The following RSPH9 variants were observed in gnomAD, a reference collection of about 807,000 sequenced individuals.
The protein encoded by RSPH9 is radial spoke head component 9.
In RSPH9, 27 loss-of-function variants were observed where a neutral mutation model predicts 27.0. The observed-to-expected ratio is 1.00, with a 90% CI of 0.74 to 1.38. The LOEUF is 1.38. RSPH9 is among the 40% of genes most tolerant of loss of function. The pLI is 0.00. For missense variants in RSPH9, 347 were observed against 357.4 expected (o/e 0.97, Z 0.24); for synonymous variants, 145 against 147.7 (o/e 0.98, Z 0.13).
chr6:43,666,586 G>A, intron 4 of RSPH9: 1 of 1,051,996 alleles, frequency 9.5e-7, no homozygotes, highest in Non-Finnish European at 1.4e-6. Flanking sequence ...GCTGAAGAGA[G>A]GAGTGGGAGA....
intron 2 of RSPH9, 43 bp from the exon 3 acceptor site, chr6:43,655,519 G>A: frequency 6.2e-7 from 1 of 1,613,688 alleles, no homozygotes; most frequent in South Asian, 1.1e-5. Context: ...GGGGTGCCTG[G>A]GCACAGTGCC....
chr6:43,650,163 C>G (rs1479708609), intron 1 of RSPH9, among the ~76,000 whole-genome samples: 1 of 152,210 alleles, frequency 6.6e-6, no homozygotes, highest in East Asian at 1.9e-4. Context: ...ATCCGCTCAC[C>G]TCAGCCTCCC....
In RSPH9 at chr6:43,645,279, C is replaced by T; in HGVS notation, c.181C>T (p.Gln61Ter). Residue 61 changes from glutamine to a stop codon, truncating the protein, a stop_gained, in exon 1 of 5, where the codon CAG (glutamine) becomes TAG (stop). Transcript: ENST00000372163. LOFTEE classifies it high-confidence loss of function. ...LGLVADYYIA[Q>*]GLSEDQLAPR... ...CCTCGTCGCCGATTACTACATCGCG[C>T]AGGGCCTGAGTGAGGACCAGCTCGC... The T allele has an allele frequency of 6.2e-7, 1 of 1,610,454 alleles. No individual in the cohort carries two copies. Among genetic ancestry groups the T allele is most frequent in the South Asian group, 1.1e-5 (1 of 91,034 alleles).
At chr6:43,658,277 G>A (rs1347622570) in intron 4 of RSPH9, among the ~76,000 whole-genome samples, 13 of 103,212 alleles carry the variant, frequency 1.3e-4, no homozygotes, top group African/African-American at 1.5e-4. Context: ...GGGCAACAGC[G>A]CAAAACTCCG....
intron 2 of RSPH9, among the ~76,000 whole-genome samples, chr6:43,651,890 T>A (rs1361208770): frequency 6.6e-6 from 1 of 152,134 alleles, no homozygotes; most frequent in Non-Finnish European, 1.5e-5. Flanking sequence ...TGTACATATG[T>A]GTACTTGTGT....
chr6:43,650,767 G>A (rs542453927), intron 2 of RSPH9, among the ~76,000 whole-genome samples: 1 of 152,102 alleles, frequency 6.6e-6, no homozygotes, highest in South Asian at 2.1e-4. Context: ...TTAGCTGGGT[G>A]TGGTGGCAGG....
intron 1 of RSPH9, among the ~76,000 whole-genome samples, chr6:43,648,897 G>A (rs972224667): frequency 1.4e-4 from 21 of 152,172 alleles, no homozygotes; most frequent in Non-Finnish European, 2.8e-4. Flanking sequence ...AGCGGGAAGG[G>A]AGATGTCAGA....
At chr6:43,651,922 G>A (rs1310413441) in intron 2 of RSPH9, among the ~76,000 whole-genome samples, 1 of 152,162 alleles carries the variant, frequency 6.6e-6, no homozygotes, top group African/African-American at 2.4e-5. Flanking sequence ...TCTGCTCCAA[G>A]TAGAGTCTGG....
In RSPH9 at chr6:43,655,605, A is replaced by G. The variant is rs1013216994; in HGVS notation, c.437A>G (p.Gln146Arg). 6.2e-7 allele frequency: 1 copy of G among 1,614,172 alleles called. No individual in the cohort carries two copies. The highest frequency in any genetic ancestry group is 8.5e-7 in the Non-Finnish European group (1 of 1,180,000). The change falls in exon 3 of 5, where the codon CAG (glutamine) becomes CGG (arginine). Residue 146 changes from glutamine (Q) to arginine (R), a missense_variant. By Grantham distance (43) the Gln-to-Arg change is conservative (BLOSUM62 1). Coordinates refer to ENST00000372163, the MANE Select transcript of RSPH9 (RefSeq NM_152732.5). ...ACCCGCTTGGTGTCTGTCATTGACC[A>G]GATTGACAAGGCTGTGGCCATCATC... ...EETRLVSVIDQIDKAVAIIPR... is the reference protein window; with the variant it reads ...EETRLVSVIDRIDKAVAIIPR...
rs753716739 is a variant in RSPH9, at chr6:43,672,366, G to A, written c.*1417G>A. On this transcript the variant is annotated 3_prime_UTR_variant, in exon 5 of 5. Coordinates refer to ENST00000372163, the MANE Select transcript of RSPH9 (RefSeq NM_152732.5). Reference sequence around the variant, plus strand: ...CCCCAGGGTACTATAACTGGTATAAGACCCCTGCCCCTCACCCAACCTGTG... The same window carrying A: ...CCCCAGGGTACTATAACTGGTATAAAACCCCTGCCCCTCACCCAACCTGTG... The A allele has an allele frequency of 2.1e-6, 1 of 472,018 alleles. No individual in the cohort carries two copies. Among genetic ancestry groups the A allele is most frequent in the South Asian group, 1.5e-5 (1 of 64,570 alleles). The allele number at this position is 472,018 out of a possible 1,614,324, so 29.2% of individuals were successfully genotyped here.
In RSPH9 at chr6:43,671,858, T is replaced by C; in HGVS notation, c.*909T>C. On this transcript the variant is annotated 3_prime_UTR_variant, in exon 5 of 5. Coordinates refer to ENST00000372163, the MANE Select transcript of RSPH9 (RefSeq NM_152732.5). ...TGCGCACCCTGTTCCAGCGGGGGCC[T>C]TTTTTGTAGATGGGCTTGACGGAGC... 6.2e-7 allele frequency: 1 copy of C among 1,613,200 alleles called. No homozygotes were observed. The highest frequency in any genetic ancestry group is 8.5e-7 in the Non-Finnish European group (1 of 1,179,576).
intron 4 of RSPH9, among the ~76,000 whole-genome samples, chr6:43,668,962 A>AC (rs1773425775): frequency 6.6e-6 from 1 of 151,324 alleles, no homozygotes; most frequent in South Asian, 2.1e-4. Flanking sequence ...GTCCTGTTGG[A>AC]CCCCCACCCT....
At chr6:43,669,825 G>A (rs981522128) in intron 4 of RSPH9, among the ~76,000 whole-genome samples, 10 of 152,186 alleles carry the variant, frequency 6.6e-5, no homozygotes, top group Non-Finnish European at 1.3e-4. Context: ...ATGGCTGCAC[G>A]ACTCAGCCCT....
chr6:43,669,056 C>A (rs567690689), intron 4 of RSPH9, among the ~76,000 whole-genome samples: 2 of 152,184 alleles, frequency 1.3e-5, no homozygotes, highest in Non-Finnish European at 2.9e-5. Flanking sequence ...GAGGGCAGGT[C>A]TGAGAGGCAG....
chr6:43,647,185 C>T (rs1437915806), intron 1 of RSPH9, among the ~76,000 whole-genome samples: 1 of 151,986 alleles, frequency 6.6e-6, no homozygotes, highest in African/African-American at 2.4e-5. Context: ...CAGCAACGGC[C>T]TATTTATTTA....
At chr6:43,645,656 T>C (rs1770778351) in intron 1 of RSPH9, among the ~76,000 whole-genome samples, 1 of 151,722 alleles carries the variant, frequency 6.6e-6, no homozygotes, top group Non-Finnish European at 1.5e-5. Context: ...GAAACTTACA[T>C]GCGGATGGGT....
At chr6:43,654,838 A>C (rs141190439) in intron 2 of RSPH9, among the ~76,000 whole-genome samples, 61 of 151,988 alleles carry the variant, frequency 4.0e-4, no homozygotes, top group Non-Finnish European at 6.6e-4. Context: ...TAAATAAATA[A>C]AAATAATAAT....
chr6:43,660,109 T>C (rs1690075383), intron 4 of RSPH9, among the ~76,000 whole-genome samples: 2 of 148,788 alleles, frequency 1.3e-5, no homozygotes, highest in Non-Finnish European at 3.0e-5. Context: ...AGTGGTGTGA[T>C]CTCAGCTCAC....
intron 2 of RSPH9, among the ~76,000 whole-genome samples, chr6:43,651,533 ACT>A (rs914997831): frequency 2.6e-4 from 40 of 151,762 alleles, no homozygotes; most frequent in East Asian, 1.6e-3. Flanking sequence ...GGGGACATTA[ACT>A]CTCTCTCTCT....
Sources: allele counts gnomAD v4.1 joint callset (sites outside exome capture counted in the v4.1 genomes callset), GRCh38; gene constraint gnomAD v4.1.1; transcripts MANE v1.5; gene names NCBI Gene and HGNC (gene_info 2026-07-23, HGNC 2026-07-21).